Variants in CELF4 observed in about 807,000 individuals in gnomAD.
CELF4 encodes CUG-BP- and ETR-3-like factor 4.
Under a neutral mutation model 59.9 loss-of-function variants are expected in CELF4, and 18 were observed. The observed-to-expected ratio is 0.30, with a 90% CI of 0.21 to 0.45. The LOEUF is 0.45. CELF4 is among the 20% of genes least tolerant of loss of function. The pLI, the probability that CELF4 is intolerant of heterozygous loss-of-function variation, is 1.00. For missense variants in CELF4, 456 were observed against 689.0 expected, an observed-to-expected ratio of 0.66 and a Z score of 3.79; for synonymous variants, 261 against 267.1, an observed-to-expected ratio of 0.98 and a Z score of 0.22.
At chr18:37,465,993 C>T (rs1278047846) in intron 2 of CELF4, among the ~76,000 whole-genome samples, 1 of 152,172 alleles carries the variant, frequency 6.6e-6, no homozygotes, top group Non-Finnish European at 1.5e-5. Context: ...TCCTGGAGTG[C>T]TGGCAGAGTC....
intron 3 of CELF4, among the ~76,000 whole-genome samples, chr18:37,280,950 A>G (rs2094059637): frequency 6.6e-6 from 1 of 152,218 alleles, no homozygotes. Flanking sequence ...GACAGGTGCT[A>G]ACGGAAATAC....
chr18:37,512,227 G>A (rs1412572188), intron 1 of CELF4, among the ~76,000 whole-genome samples: 1 of 152,130 alleles, frequency 6.6e-6, no homozygotes, highest in Admixed American at 6.6e-5. Context: ...CTTGTTTTCT[G>A]TTGGTCTCTT....
intron 1 of CELF4, among the ~76,000 whole-genome samples, chr18:37,520,204 A>AG (rs1431089118): frequency 6.6e-6 from 1 of 152,152 alleles, no homozygotes; most frequent in African/African-American, 2.4e-5. Flanking sequence ...CCCTGGCCCC[A>AG]GCTCTGGGGA....
intron 1 of CELF4, among the ~76,000 whole-genome samples, chr18:37,535,639 T>C (rs1389952184): frequency 3.3e-5 from 5 of 152,148 alleles, no homozygotes; most frequent in Admixed American, 6.5e-5. Context: ...AGCGTTTATA[T>C]GTACTGTGAG....
At chr18:37,306,460 G>A (rs2096409068) in intron 3 of CELF4, 1 of 152,332 alleles carries the variant, frequency 6.6e-6, no homozygotes, top group Admixed American at 6.5e-5. Flanking sequence ...TCTGCCCCAG[G>A]ACAGGGGACA....
At position 37,353,233 on chromosome 18, in the gene CELF4, A is replaced by AATATAT. The variant is rs1557327923; in HGVS notation, c.370-31358_370-31353dup. ...GAGACTCCGTCTCAAAAAAAAAAAA[A>AATATAT]ATATATATATATATATACATAAAAG... On this transcript the variant is annotated intron_variant, in intron 2 of 12. Coordinates refer to ENST00000420428, the MANE Select transcript of CELF4 (RefSeq NM_020180.4). 6.9e-4 allele frequency among the ~76,000 whole-genome samples: 74 copies of AATATAT among 106,968 alleles called. 1 individual carries two copies. The highest frequency in any genetic ancestry group is 9.5e-4 in the Non-Finnish European group (52 of 54,962). The allele number at this position is 106,968 out of a possible 152,430, so 70.2% of individuals were successfully genotyped here.
intron 3 of CELF4, among the ~76,000 whole-genome samples, chr18:37,285,305 G>T (rs879714610): frequency 5.3e-5 from 8 of 152,206 alleles, no homozygotes; most frequent in Non-Finnish European, 1.0e-4. Flanking sequence ...TCCCTTGAAT[G>T]TGGGCTGAAA....
In CELF4 at chr18:37,254,165, G is replaced by A. The variant is rs2067559691; in HGVS notation, c.1334-227C>T. Reference sequence around the variant, plus strand: ...GACCCGGCTCGCTGACCTGCGCCTAGTCTCTGGCCGCGTCACTCGCCCGGC... The same window carrying A: ...GACCCGGCTCGCTGACCTGCGCCTAATCTCTGGCCGCGTCACTCGCCCGGC... On this transcript the variant is annotated intron_variant, in intron 11 of 12. Coordinates refer to ENST00000420428, the MANE Select transcript of CELF4 (RefSeq NM_020180.4). This position sits in a 1 kb window ranked among gnomAD's most constrained non-coding sequence, Gnocchi z 5.1. Among the ~76,000 whole-genome samples the A allele has an allele frequency of 6.6e-6, 1 of 150,882 alleles. No homozygotes were observed. The highest frequency in any genetic ancestry group is 1.5e-5 in the Non-Finnish European group (1 of 67,586).
intron 2 of CELF4, among the ~76,000 whole-genome samples, chr18:37,448,879 C>A (rs2099755545): frequency 6.6e-6 from 1 of 152,216 alleles, no homozygotes; most frequent in African/African-American, 2.4e-5. Context: ...ATCCTGCCCA[C>A]CCTCTGGGCC....
At chr18:37,274,587 G>C in intron 5 of CELF4, 133 bp from the exon 6 acceptor site, 3 of 1,571,884 alleles carry the variant, frequency 1.9e-6, no homozygotes, top group Non-Finnish European at 2.6e-6. Context: ...GCTCGCCCAG[G>C]GGAATGAGGT....
intron 2 of CELF4, among the ~76,000 whole-genome samples, chr18:37,332,523 G>C (rs116088612): frequency 6.6e-6 from 1 of 151,864 alleles, no homozygotes; most frequent in Admixed American, 6.6e-5. Context: ...ATCCCTCTCC[G>C]AGCCTCCACC....
intron 2 of CELF4, among the ~76,000 whole-genome samples, chr18:37,470,218 G>C (rs1018077771): frequency 1.3e-5 from 2 of 152,190 alleles, no homozygotes; most frequent in Admixed American, 6.5e-5. Context: ...AAGCAGTGTA[G>C]ACGAAGTTCT....
At chr18:37,324,587 G>A (rs146623456) in intron 2 of CELF4, among the ~76,000 whole-genome samples, 16 of 152,276 alleles carry the variant, frequency 1.1e-4, no homozygotes, top group Non-Finnish European at 1.9e-4. Flanking sequence ...TCTAGCCAAC[G>A]AATAAGCCCC....
chr18:37,317,022 C>T (rs925662104), intron 3 of CELF4, among the ~76,000 whole-genome samples: 1 of 152,224 alleles, frequency 6.6e-6, no homozygotes, highest in African/African-American at 2.4e-5. Flanking sequence ...GTTATCTAGC[C>T]TCTCTGTGCC....
intron 3 of CELF4, among the ~76,000 whole-genome samples, chr18:37,309,247 T>A (rs2096558022): frequency 6.6e-6 from 1 of 152,212 alleles, no homozygotes; most frequent in African/African-American, 2.4e-5. Flanking sequence ...CTTGGAAGAC[T>A]GCCCAGAAAG....
rs142389555 is a variant in CELF4 at position 37,273,128 on chromosome 18, G to C, written c.837C>G (p.Val279=). The C allele has an allele frequency of 1.9e-6, 3 of 1,613,236 alleles. No homozygotes were observed. Among genetic ancestry groups the C allele is most frequent in the African/African-American group, 2.7e-5 (2 of 74,944 alleles). ...MQQQAALMAS[V]AQGGYLNPMA... ...TGGGGTTCAGGTAGCCGCCCTGCGC[G>C]ACTGATGCCATCAGGGCCGCTTGCT... The change falls in exon 7 of 13, where the codon GTC becomes GTG. Residue 279 remains valine (V), a synonymous_variant. Transcript: ENST00000420428.
At chr18:37,537,043 C>G (rs1211847793) in intron 1 of CELF4, among the ~76,000 whole-genome samples, 1 of 152,228 alleles carries the variant, frequency 6.6e-6, no homozygotes, top group Non-Finnish European at 1.5e-5. Flanking sequence ...CCATCCTCAG[C>G]CTGGCTTTCC....
intron 1 of CELF4, among the ~76,000 whole-genome samples, chr18:37,508,217 C>G (rs953804552): frequency 6.6e-6 from 1 of 152,182 alleles, no homozygotes; most frequent in Admixed American, 6.5e-5. Context: ...TAAGGCCAGA[C>G]TAAGACATTG....
intron 1 of CELF4, among the ~76,000 whole-genome samples, chr18:37,530,540 C>G (rs2099968458): frequency 6.6e-6 from 1 of 152,080 alleles, no homozygotes; most frequent in Admixed American, 6.5e-5. Flanking sequence ...TTCCCCACTC[C>G]CCCTACCCCC....
Sources: allele counts gnomAD v4.1 joint callset (sites outside exome capture counted in the v4.1 genomes callset), GRCh38; gene constraint gnomAD v4.1.1; non-coding constraint Gnocchi (gnomAD v3.1); transcripts MANE v1.5; gene names NCBI Gene and HGNC (gene_info 2026-07-23, HGNC 2026-07-21).